The following AIF1L variants were observed in gnomAD, a reference collection of about 807,000 sequenced individuals.
The protein encoded by AIF1L is allograft inflammatory factor 1 like.
Under a neutral mutation model 20.7 loss-of-function variants are expected in AIF1L, and 12 were observed. The observed-to-expected ratio is 0.58, with a 90% CI of 0.37 to 0.94. AIF1L has a LOEUF of 0.94. Ranked by LOEUF, AIF1L falls within the 40% of genes least tolerant of loss-of-function variation. The pLI, the probability that AIF1L is intolerant of heterozygous loss-of-function variation, is 0.01. For missense variants in AIF1L, 173 were observed against 185.3 expected (o/e 0.93, Z 0.39); for synonymous variants, 76 against 65.1 (o/e 1.17, Z -0.81).
chr9:131,110,525 A>G (rs144092270), intron 2 of AIF1L, among the ~76,000 whole-genome samples: 2,861 of 141,978 alleles, frequency 0.02, 87 homozygotes, highest in African/African-American at 0.072. Flanking sequence ...TTTTTTTAAG[A>G]TGGAGTCTCT....
intron 5 of AIF1L, among the ~76,000 whole-genome samples, chr9:131,119,179 G>GA (rs1564170217): frequency 6.6e-6 from 1 of 152,030 alleles, no homozygotes; most frequent in Non-Finnish European, 1.5e-5. Context: ...TTGCCCCAGG[G>GA]CAGTCTCATT....
At chr9:131,112,612 C>T (rs897403136) in intron 3 of AIF1L, among the ~76,000 whole-genome samples, 3 of 152,032 alleles carry the variant, frequency 2.0e-5, no homozygotes, top group African/African-American at 7.2e-5. Context: ...GCTTGGAGGG[C>T]GGGGTTGTTG....
chr9:131,112,665 A>C (rs1221358265), intron 3 of AIF1L, among the ~76,000 whole-genome samples: 1 of 152,082 alleles, frequency 6.6e-6, no homozygotes, highest in Non-Finnish European at 1.5e-5. Context: ...TTGGGACTTG[A>C]ACTCATGTCG....
At chr9:131,109,124 G>A (rs928041768) in intron 2 of AIF1L, among the ~76,000 whole-genome samples, 1 of 146,756 alleles carries the variant, frequency 6.8e-6, no homozygotes, top group Non-Finnish European at 1.5e-5. Flanking sequence ...TATTCACCAT[G>A]GTCTCCTCTG....
intron 3 of AIF1L, chr9:131,112,165 C>CCT (rs2133394082): frequency 6.3e-6 from 1 of 157,746 alleles, no homozygotes; most frequent in African/African-American, 2.4e-5. Context: ...TGGGAGCCGG[C>CCT]GCGGGGAGAG....
chr9:131,118,632 C>T (rs1008134574), intron 5 of AIF1L, among the ~76,000 whole-genome samples: 14 of 151,396 alleles, frequency 9.2e-5, no homozygotes, highest in South Asian at 2.1e-4. Context: ...CTGCAACCTC[C>T]GCCTCCTGAG....
At chr9:131,112,533 T>G (rs913133378) in intron 3 of AIF1L, 6 of 152,118 alleles carry the variant, frequency 3.9e-5, no homozygotes, top group African/African-American at 1.4e-4. Flanking sequence ...CGTGGCGAGC[T>G]CCCCACATCA....
intron 2 of AIF1L, among the ~76,000 whole-genome samples, chr9:131,111,160 G>C (rs1197157287): frequency 8.9e-5 from 12 of 134,202 alleles, no homozygotes; most frequent in Non-Finnish European, 1.6e-5. Flanking sequence ...TGGGGGACAA[G>C]AGCAAGACTT....
chr9:131,113,121 T>G (rs10125575), intron 3 of AIF1L, among the ~76,000 whole-genome samples: 10,765 of 151,818 alleles, frequency 0.071, 1,264 homozygotes, highest in African/African-American at 0.25. Flanking sequence ...AATACAAGGT[T>G]AGCAGACTGT....
intron 2 of AIF1L, chr9:131,108,248 G>A (rs911585441): frequency 2.1e-5 from 3 of 144,540 alleles, no homozygotes; most frequent in Admixed American, 1.5e-4. Context: ...GGCCCGGGCT[G>A]GAATGCAGTG....
chr9:131,099,519 T>C (rs938800754), intron 2 of AIF1L, among the ~76,000 whole-genome samples: 14 of 152,132 alleles, frequency 9.2e-5, no homozygotes, highest in African/African-American at 3.1e-4. Flanking sequence ...GTGTGGATTC[T>C]GGGGGCCTGG....
chr9:131,111,519 G>GC lies in AIF1L; in HGVS notation c.94-73dup, dbSNP rs1213016729. 94 of 1,339,070 alleles carry GC rather than the reference G, an allele frequency of 7.0e-5. 1 individual carries two copies. The highest frequency in any genetic ancestry group is 6.6e-5 in the Non-Finnish European group (62 of 944,974). 82.9% of individuals were successfully genotyped at this position (1,339,070 alleles called of 1,614,324 possible). A position where few individuals can be genotyped will look rare whatever the true frequency, so the allele number is the denominator to read the frequency against. On this transcript the variant is annotated intron_variant, in intron 2 of 5. Coordinates refer to ENST00000247291, the MANE Select transcript of AIF1L (RefSeq NM_031426.4). ...ACCTGGTTACCCGATAGGAGGGAAG[G>GC]CCCCCGGACAGTGGGCCCATGTGTG...
chr9:131,098,566 C>T (rs1171955555), intron 2 of AIF1L, among the ~76,000 whole-genome samples: 3 of 152,100 alleles, frequency 2.0e-5, no homozygotes, highest in Non-Finnish European at 4.4e-5. Flanking sequence ...GGTGAGGTGA[C>T]CATGGTTGGA....
In AIF1L at chr9:131,122,400, G is replaced by A. The variant is rs1289855856; in HGVS notation, c.*2078G>A. 6.6e-6 allele frequency: 1 copy of A among 152,474 alleles called. No homozygotes were observed. The highest frequency in any genetic ancestry group is 1.5e-5 in the Non-Finnish European group (1 of 68,022). The allele number at this position is 152,474 out of a possible 1,614,324, so 9.4% of individuals were successfully genotyped here. A position where few individuals can be genotyped will look rare whatever the true frequency, so the allele number is the denominator to read the frequency against. ...TCAAATGCACACAGGCCTAGTTGAA[G>A]TTTAAACCCCAGCAAAACATTCCTC... On this transcript the variant is annotated 3_prime_UTR_variant, in exon 6 of 6. Coordinates refer to ENST00000247291, the MANE Select transcript of AIF1L (RefSeq NM_031426.4).
intron 2 of AIF1L, among the ~76,000 whole-genome samples, chr9:131,109,273 C>T (rs977944851): frequency 1.3e-5 from 2 of 151,918 alleles, no homozygotes; most frequent in Non-Finnish European, 2.9e-5. Context: ...ATGGAAGGTC[C>T]ACTGGCCGGG....
chr9:131,096,560 C>A lies in AIF1L; in HGVS notation c.-70C>A. The A allele has an allele frequency of 6.8e-7, 1 of 1,470,146 alleles. No homozygotes were observed. The highest frequency in any genetic ancestry group is 9.0e-7 in the Non-Finnish European group (1 of 1,116,422). The allele number at this position is 1,470,146 out of a possible 1,614,324, so 91.1% of individuals were successfully genotyped here. A position where few individuals can be genotyped will look rare whatever the true frequency, so the allele number is the denominator to read the frequency against. ...GCAGCTAGCCGGAGCCCGGACCAGG[C>A]GCCTGTGCCTCCTCCTCGTCCCTCG... is the stretch of plus-strand genomic sequence containing the variant. On this transcript the variant is annotated 5_prime_UTR_variant, in exon 1 of 6. Transcript: ENST00000247291.
intron 2 of AIF1L, among the ~76,000 whole-genome samples, chr9:131,110,215 A>T (rs987222191): frequency 1.3e-5 from 2 of 152,206 alleles, no homozygotes; most frequent in African/African-American, 4.8e-5. Context: ...CTGTTTCAAA[A>T]TAATAATAAC....
At chr9:131,115,579 G>A (rs1011605755) in intron 4 of AIF1L, among the ~76,000 whole-genome samples, 2 of 151,418 alleles carry the variant, frequency 1.3e-5, no homozygotes. Flanking sequence ...TTCATCCTGC[G>A]TCTCAGATTG....
chr9:131,120,370 G>C lies in AIF1L; in HGVS notation c.*48G>C, dbSNP rs372416209. 30 of 1,201,484 alleles carry C rather than the reference G, an allele frequency of 2.5e-5. No individual in the cohort carries two copies. The highest frequency in any genetic ancestry group is 3.3e-5 in the Non-Finnish European group (30 of 898,802). 74.4% of individuals were successfully genotyped at this position (1,201,484 alleles called of 1,614,324 possible). On this transcript the variant is annotated 3_prime_UTR_variant, in exon 6 of 6. Transcript: ENST00000247291. ...CCTTCCCACCCCATACCTCCCTCCC[G>C]ATCTTGCTGCCCTTCTTGACACACT...
Sources: gnomAD v4.1 joint callset for allele counts (sites outside exome capture counted in the v4.1 genomes callset) on GRCh38, gnomAD v4.1.1 for gene constraint, MANE v1.5 for transcripts, NCBI Gene and HGNC (gene_info 2026-07-23, HGNC 2026-07-21) for gene names.